ARHGAP15: variants seen among roughly 807,000 people sequenced by gnomAD.
ARHGAP15 encodes rho GTPase-activating protein 15.
Under a neutral mutation model 63.7 loss-of-function variants are expected in ARHGAP15, and 51 were observed. The observed-to-expected ratio is 0.80, with a 90% CI of 0.64 to 1.01. The LOEUF is 1.01. ARHGAP15 is among the 50% of genes least tolerant of loss of function. ARHGAP15 has a pLI of 0.00. For missense variants in ARHGAP15, 560 were observed against 564.6 expected (o/e 0.99, Z 0.08); for synonymous variants, 191 against 193.8 (o/e 0.99, Z 0.12).
At chr2:143,598,179 G>T (rs775598459) in intron 11 of ARHGAP15, among the ~76,000 whole-genome samples, 1 of 152,124 alleles carries the variant, frequency 6.6e-6, no homozygotes, top group Non-Finnish European at 1.5e-5. Flanking sequence ...CAGCAGGAGT[G>T]TCTGAAATGC....
intron 6 of ARHGAP15, among the ~76,000 whole-genome samples, chr2:143,418,763 G>A (rs1252415427): frequency 2.0e-5 from 3 of 152,172 alleles, no homozygotes; most frequent in African/African-American, 7.2e-5. Flanking sequence ...ATTAATATGA[G>A]AGGGGTTTTT....
intron 3 of ARHGAP15, among the ~76,000 whole-genome samples, chr2:143,212,246 C>T (rs1006842394): frequency 2.0e-5 from 3 of 152,212 alleles, no homozygotes; most frequent in African/African-American, 7.2e-5. Context: ...TGTCTGTCGC[C>T]TCCAACGTAG....
intron 9 of ARHGAP15, among the ~76,000 whole-genome samples, chr2:143,490,843 G>A (rs961682921): frequency 1.2e-4 from 19 of 152,078 alleles, no homozygotes; most frequent in Non-Finnish European, 2.6e-4. Flanking sequence ...GGCCAGGCTG[G>A]TCTTGAACTC....
At chr2:143,522,565 T>C (rs1034243208) in intron 10 of ARHGAP15, among the ~76,000 whole-genome samples, 1 of 152,166 alleles carries the variant, frequency 6.6e-6, no homozygotes, top group African/African-American at 2.4e-5. Context: ...GACACTATTT[T>C]GGAGGTTTGA....
intron 9 of ARHGAP15, among the ~76,000 whole-genome samples, chr2:143,518,291 G>T: frequency 6.6e-6 from 1 of 152,208 alleles, no homozygotes; most frequent in East Asian, 1.9e-4. Flanking sequence ...CTCAGAATCT[G>T]CTTTGAGAGA....
chr2:143,650,874 A>G (rs1001717254), intron 12 of ARHGAP15, among the ~76,000 whole-genome samples: 3 of 152,060 alleles, frequency 2.0e-5, no homozygotes, highest in South Asian at 4.1e-4. Flanking sequence ...GTGTGATTAC[A>G]TAGCACTCGT....
rs1691230050 is a variant in ARHGAP15 at position 143,181,389 on chromosome 2, CT to C, written c.166-20741del. On this transcript the variant is annotated intron_variant, in intron 2 of 13. Transcript: ENST00000295095. ...TTGAAGCTTTGAAACCAGGCATTGA[CT>C]TTTCCTCTTGAGCTATGGAAATCCT... 2.6e-5 allele frequency among the ~76,000 whole-genome samples: 4 copies of C among 152,320 alleles called. No homozygotes were observed. The South Asian group carries it at 8.3e-4, about 32-fold the overall frequency.
chr2:143,139,088 A>G (rs1050726541), intron 1 of ARHGAP15, among the ~76,000 whole-genome samples: 1 of 151,934 alleles, frequency 6.6e-6, no homozygotes, highest in Non-Finnish European at 1.5e-5. Flanking sequence ...TTCTATCTTT[A>G]GCCTTGGTGT....
At chr2:143,658,862 T>G (rs140008242) in intron 12 of ARHGAP15, among the ~76,000 whole-genome samples, 77 of 152,358 alleles carry the variant, frequency 5.1e-4, no homozygotes, top group African/African-American at 1.8e-3. Context: ...CTAGGAAATT[T>G]CCATTTGAGT....
At chr2:143,506,466 A>G (rs1042504943) in intron 9 of ARHGAP15, among the ~76,000 whole-genome samples, 9 of 152,196 alleles carry the variant, frequency 5.9e-5, no homozygotes, top group Non-Finnish European at 1.3e-4. Flanking sequence ...GATTAATAGT[A>G]AGTTATATAA....
At chr2:143,436,676 T>C (rs1201410339) in intron 7 of ARHGAP15, among the ~76,000 whole-genome samples, 1 of 152,212 alleles carries the variant, frequency 6.6e-6, no homozygotes, top group African/African-American at 2.4e-5. Flanking sequence ...ACCTACTCTA[T>C]AGAATTGTTG....
intron 8 of ARHGAP15, among the ~76,000 whole-genome samples, chr2:143,461,281 CAAAAAAAAAAAA>C (rs70982868): frequency 1.8e-5 from 1 of 55,054 alleles, no homozygotes; most frequent in Non-Finnish European, 3.0e-5. Context: ...CTCTGTCTCT[CAAAAAAAAAAAA>C]AAAAAAAAAA....
At chr2:143,133,215 T>C (rs188287830) in intron 1 of ARHGAP15, among the ~76,000 whole-genome samples, 1 of 152,218 alleles carries the variant, frequency 6.6e-6, no homozygotes, top group Admixed American at 6.5e-5. Context: ...ATGAGAAACA[T>C]TGCAAGGGAC....
chr2:143,175,666 T>C (rs1185992830), intron 2 of ARHGAP15, among the ~76,000 whole-genome samples: 1 of 152,178 alleles, frequency 6.6e-6, no homozygotes, highest in Non-Finnish European at 1.5e-5. Context: ...ACTAACGCTC[T>C]CTGAAGTCAT....
intron 9 of ARHGAP15, among the ~76,000 whole-genome samples, chr2:143,512,948 C>G (rs1693653125): frequency 1.3e-5 from 2 of 152,246 alleles, no homozygotes. Flanking sequence ...ACAACCACCT[C>G]AGTCTCTCAG....
chr2:143,660,342 G>T (rs1681692862), intron 12 of ARHGAP15, among the ~76,000 whole-genome samples: 2 of 152,244 alleles, frequency 1.3e-5, no homozygotes, highest in South Asian at 2.1e-4. Context: ...TTGCATTTGG[G>T]GAAAAGTTGT....
At chr2:143,196,786 G>T (rs1051761685) in intron 2 of ARHGAP15, among the ~76,000 whole-genome samples, 1 of 151,670 alleles carries the variant, frequency 6.6e-6, no homozygotes, top group Non-Finnish European at 1.5e-5. Flanking sequence ...TTAGAGGGGG[G>T]ACCTATATAC....
rs533207972 is a variant in ARHGAP15 at position 143,222,198 on chromosome 2, A to C, written c.296+5753A>C. ...GTAAGTTCCTAGACCAACCAGTTTG[A>C]GAATGAGTCTGTACGTTTAACAGTG... On this transcript the variant is annotated intron_variant, in intron 4 of 13. Transcript: ENST00000295095. Among the ~76,000 whole-genome samples, 3 of 152,364 alleles carry C rather than the reference A, an allele frequency of 2.0e-5. No homozygotes were observed. In the South Asian group the frequency reaches 6.2e-4, roughly 32 times the overall value.
At chr2:143,204,510 C>T (rs1397158536) in intron 3 of ARHGAP15, among the ~76,000 whole-genome samples, 2 of 152,030 alleles carry the variant, frequency 1.3e-5, no homozygotes, top group African/African-American at 4.8e-5. Flanking sequence ...GGCATTAATC[C>T]TATTCATGAG....
Sources: allele counts gnomAD v4.1 joint callset (sites outside exome capture counted in the v4.1 genomes callset), GRCh38; gene constraint gnomAD v4.1.1; transcripts MANE v1.5; gene names NCBI Gene and HGNC (gene_info 2026-07-23, HGNC 2026-07-21).